ZNF521: variants seen among roughly 807,000 people sequenced by gnomAD.
ZNF521 encodes the protein zinc finger protein 521, also known as LYST-interacting protein 3.
Under a neutral mutation model 105.5 loss-of-function variants are expected in ZNF521, and 14 were observed. The ratio of observed to expected loss-of-function variants is 0.13; its 90% CI spans 0.09 to 0.21. The LOEUF is 0.21. ZNF521 is among the 10% of genes least tolerant of loss of function. The pLI is 1.00. For synonymous variants in ZNF521, 635 were observed against 606.0 expected (o/e 1.05, Z -0.70); for missense variants, 1,233 against 1,629.7 (o/e 0.76, Z 4.19).
At chr18:25,239,258 G>A (rs1426854386) in intron 3 of ZNF521, among the ~76,000 whole-genome samples, 4 of 152,114 alleles carry the variant, frequency 2.6e-5, no homozygotes, top group African/African-American at 7.2e-5. Context: ...CTGTAAGAGC[G>A]TTGGCAGCAG....
chr18:25,078,862 G>GA (rs931603420), intron 7 of ZNF521, among the ~76,000 whole-genome samples: 6 of 152,230 alleles, frequency 3.9e-5, no homozygotes, highest in Non-Finnish European at 8.8e-5. Flanking sequence ...GCTCCCAGCA[G>GA]AAAGTGGGAG....
At chr18:25,232,060 C>T (rs969965469) in intron 3 of ZNF521, among the ~76,000 whole-genome samples, 2 of 152,192 alleles carry the variant, frequency 1.3e-5, no homozygotes, top group Non-Finnish European at 2.9e-5. Context: ...GCTAGTGCCA[C>T]ACAGCAAGAT....
At chr18:25,096,858 C>T (rs1483167470) in intron 5 of ZNF521, among the ~76,000 whole-genome samples, 5 of 152,172 alleles carry the variant, frequency 3.3e-5, no homozygotes, top group Admixed American at 6.5e-5. Flanking sequence ...GTGGCCGGGG[C>T]CATACTTAAA....
In ZNF521 at chr18:25,349,395, G is replaced by A. The variant is rs145378402; in HGVS notation, c.40+1512C>T. 2.3e-4 allele frequency among the ~76,000 whole-genome samples: 35 copies of A among 152,300 alleles called. No individual in the cohort carries two copies. The East Asian group carries it at 5.6e-3, about 24-fold the overall frequency. On this transcript the variant is annotated intron_variant, in intron 2 of 7. Coordinates refer to ENST00000361524, the MANE Select transcript of ZNF521 (RefSeq NM_015461.3). ...CAGAAAAATGAGGGGCCCATGTGAC[G>A]GAAACCACCAGACACACTGTGTGGA...
In ZNF521 at chr18:25,225,978, T is replaced by C; in HGVS notation, c.1940A>G (p.Asp647Gly). 6.2e-7 allele frequency: 1 copy of C among 1,614,130 alleles called. No individual in the cohort carries two copies. Among genetic ancestry groups the C allele is most frequent in the Non-Finnish European group, 8.5e-7 (1 of 1,180,016 alleles). The change falls in exon 4 of 8, where the codon GAC becomes GGC. Residue 647 changes from aspartate (D) to glycine (G), a missense_variant. Asp to Gly is a moderately conservative substitution (Grantham distance 94). Around this residue, in one of 6 missense-constraint regions of ZNF521, gnomAD observed 614 missense variants for 751.5 expected, o/e 0.82. Transcript: ENST00000361524. The surrounding 1 kb of genome is among the most constrained non-coding windows in gnomAD (Gnocchi z 5.6). ...AGTTTTTAGGTGAGTCTGAAAGCTG[T>C]CTAGGGATGTGTACTTAGCACCACA... ...NQCGAKYTSLDSFQTHLKTHL... is the reference protein window; with the variant it reads ...NQCGAKYTSLGSFQTHLKTHL...
chr18:25,272,456 T>G (rs1340863531), intron 3 of ZNF521, among the ~76,000 whole-genome samples: 2 of 152,132 alleles, frequency 1.3e-5, no homozygotes, highest in Non-Finnish European at 2.9e-5. Context: ...TAAAGACACA[T>G]GTACACATAT....
chr18:25,344,435 C>A (rs76782666), intron 2 of ZNF521, among the ~76,000 whole-genome samples: 1 of 152,110 alleles, frequency 6.6e-6, no homozygotes, highest in Non-Finnish European at 1.5e-5. Flanking sequence ...CAGACAAGTA[C>A]GCTTTCACTA....
intron 5 of ZNF521, among the ~76,000 whole-genome samples, chr18:25,174,760 T>C (rs2035507179): frequency 6.6e-6 from 1 of 152,226 alleles, no homozygotes; most frequent in Non-Finnish European, 1.5e-5. Context: ...CATCTTTCAC[T>C]GCTCTGACCC....
intron 2 of ZNF521, among the ~76,000 whole-genome samples, chr18:25,348,389 T>C (rs1488490424): frequency 6.6e-6 from 1 of 152,204 alleles, no homozygotes; most frequent in African/African-American, 2.4e-5. Flanking sequence ...ATGCCCTTCC[T>C]CTTCTTCAAA....
intron 5 of ZNF521, among the ~76,000 whole-genome samples, chr18:25,189,617 C>G (rs1048720531): frequency 1.8e-4 from 28 of 152,180 alleles, no homozygotes; most frequent in Admixed American, 7.2e-4. Flanking sequence ...CTGTGACCAT[C>G]ACTCCACACT....
intron 7 of ZNF521, among the ~76,000 whole-genome samples, chr18:25,072,813 G>A (rs893909533): frequency 2.0e-5 from 3 of 152,140 alleles, no homozygotes; most frequent in African/African-American, 4.8e-5. Flanking sequence ...GATATTCAGG[G>A]ATTAAGTCAG....
intron 5 of ZNF521, among the ~76,000 whole-genome samples, chr18:25,152,447 C>T (rs973132096): frequency 6.7e-6 from 1 of 150,012 alleles, no homozygotes; most frequent in Non-Finnish European, 1.5e-5. Context: ...CCACTGCACT[C>T]CAACCTGGGC....
intron 3 of ZNF521, among the ~76,000 whole-genome samples, chr18:25,236,518 A>G (rs2144777385): frequency 6.7e-6 from 1 of 149,902 alleles, no homozygotes; most frequent in South Asian, 2.1e-4. Context: ...CCTGGGTGAC[A>G]CAGTGAGACT....
intron 5 of ZNF521, among the ~76,000 whole-genome samples, chr18:25,094,721 G>A (rs1245255319): frequency 6.6e-6 from 1 of 152,084 alleles, no homozygotes; most frequent in Non-Finnish European, 1.5e-5. Flanking sequence ...TATAAGATGA[G>A]CAAAAGCCAA....
intron 5 of ZNF521, among the ~76,000 whole-genome samples, chr18:25,158,478 T>G (rs1442674791): frequency 2.0e-5 from 3 of 152,080 alleles, no homozygotes; most frequent in African/African-American, 7.2e-5. Context: ...TCAAAGGAAA[T>G]ACAGGAATAA....
At chr18:25,230,655 T>C (rs9946154) in intron 3 of ZNF521, among the ~76,000 whole-genome samples, 68,840 of 152,098 alleles carry the variant, frequency 0.45, 17,353 homozygotes, top group African/African-American at 0.69. Flanking sequence ...TTTTTCCCTT[T>C]GGCACTAAGT....
intron 5 of ZNF521, among the ~76,000 whole-genome samples, chr18:25,112,542 G>A (rs985644867): frequency 6.6e-6 from 1 of 152,068 alleles, no homozygotes; most frequent in Admixed American, 6.6e-5. Flanking sequence ...ATTAAATTGT[G>A]GCAATTTAAT....
chr18:25,325,948 ACTTG>A (rs1002062739), intron 2 of ZNF521, among the ~76,000 whole-genome samples: 11 of 152,122 alleles, frequency 7.2e-5, no homozygotes, highest in Admixed American at 3.3e-4. Flanking sequence ...TATTGCTATA[ACTTG>A]CTTTAATAAA....
intron 2 of ZNF521, among the ~76,000 whole-genome samples, chr18:25,334,641 G>T (rs2145187621): frequency 6.6e-6 from 1 of 152,280 alleles, no homozygotes; most frequent in Admixed American, 6.5e-5. Flanking sequence ...TGTAGATAAT[G>T]GTTACTAAGA....
Sources: gnomAD v4.1 joint callset for allele counts (sites outside exome capture counted in the v4.1 genomes callset) on GRCh38, gnomAD v4.1.1 for gene constraint, gnomAD v4.1.1 regional missense constraint, Gnocchi (gnomAD v3.1) non-coding constraint, MANE v1.5 for transcripts, NCBI Gene and HGNC (gene_info 2026-07-23, HGNC 2026-07-21) for gene names.